The following FRMD6 variants were observed in gnomAD, a reference collection of about 807,000 sequenced individuals.
The protein encoded by FRMD6 is FERM domain containing 6.
Under a neutral mutation model 73.2 loss-of-function variants are expected in FRMD6, and 37 were observed. The ratio of observed to expected loss-of-function variants is 0.51; its 90% CI spans 0.39 to 0.66. FRMD6 has a LOEUF of 0.66. FRMD6 is among the 30% of genes least tolerant of loss of function. The pLI is 0.00. For missense variants in FRMD6, 714 were observed against 780.5 expected (o/e 0.91, Z 1.02); for synonymous variants, 273 against 282.2 (o/e 0.97, Z 0.33).
upstream of FRMD6, among the ~76,000 whole-genome samples, chr14:51,488,532 T>G (rs185936845): frequency 6.6e-6 from 1 of 152,250 alleles, no homozygotes; most frequent in Admixed American, 6.5e-5. Flanking sequence ...ACTGTAGTAC[T>G]ACCACCTTCT....
intron 2 of FRMD6, among the ~76,000 whole-genome samples, chr14:51,636,364 A>G (rs1163909301): frequency 1.3e-5 from 2 of 152,198 alleles, no homozygotes; most frequent in African/African-American, 4.8e-5. Context: ...TTAGCATCCA[A>G]TGGAGTTGCT....
At chr14:51,535,352 A>C (rs949463139) in intron 1 of FRMD6, among the ~76,000 whole-genome samples, 1 of 152,114 alleles carries the variant, frequency 6.6e-6, no homozygotes, top group Admixed American at 6.5e-5. Context: ...ACCAATCATA[A>C]TCCTATTCTC....
intron 1 of FRMD6, among the ~76,000 whole-genome samples, chr14:51,534,930 A>G (rs1885793596): frequency 6.6e-6 from 1 of 152,226 alleles, no homozygotes; most frequent in Admixed American, 6.5e-5. Context: ...GCAGCCGCTC[A>G]ATTAGATGTA....
At chr14:51,694,003 G>A (rs989927135) in intron 2 of FRMD6, among the ~76,000 whole-genome samples, 1 of 152,152 alleles carries the variant, frequency 6.6e-6, no homozygotes, top group Admixed American at 6.5e-5. Context: ...ATTAACTGTA[G>A]CAAAAACGAT....
At chr14:51,474,190 T>C in the FRMD6 span, among the ~76,000 whole-genome samples, 6 of 152,198 alleles carry the variant, frequency 3.9e-5, no homozygotes, top group Non-Finnish European at 7.3e-5. Flanking sequence ...TGTGTACAGA[T>C]TTCAATTTCA....
chr14:51,607,116 A>G (rs1398265642), intron 2 of FRMD6, among the ~76,000 whole-genome samples: 1 of 152,100 alleles, frequency 6.6e-6, no homozygotes, highest in Non-Finnish European at 1.5e-5. Context: ...CTCCTCTGGA[A>G]ACACCCTCAC....
At chr14:51,482,393 G>A in the FRMD6 span, among the ~76,000 whole-genome samples, 17 of 152,318 alleles carry the variant, frequency 1.1e-4, no homozygotes, top group South Asian at 1.7e-3. Flanking sequence ...CAATGAAGAG[G>A]CTTCTCAATC....
chr14:51,670,477 TACTATTA>T (rs1020214502), intron 1 of FRMD6, among the ~76,000 whole-genome samples: 18 of 152,334 alleles, frequency 1.2e-4, no homozygotes, highest in Admixed American at 1.1e-3. Context: ...ATTGGTACAG[TACTATTA>T]ACTAGCCTTG....
chr14:51,612,672 T>A (rs912084259), intron 2 of FRMD6, among the ~76,000 whole-genome samples: 5 of 152,224 alleles, frequency 3.3e-5, no homozygotes, highest in Non-Finnish European at 4.4e-5. Context: ...CATCATGGAA[T>A]AAGAGGGTAG....
At chr14:51,552,493 G>A (rs1000520084) in intron 1 of FRMD6, among the ~76,000 whole-genome samples, 12 of 152,150 alleles carry the variant, frequency 7.9e-5, no homozygotes, top group South Asian at 4.1e-4. Flanking sequence ...GTTAAGTGGC[G>A]CAGATGGGAA....
chr14:51,492,512 T>C (rs1390665005), intron 1 of FRMD6, among the ~76,000 whole-genome samples: 1 of 152,152 alleles, frequency 6.6e-6, no homozygotes, highest in Non-Finnish European at 1.5e-5. Flanking sequence ...CCGAGACCTA[T>C]CCCCTTAAAC....
the FRMD6 span, among the ~76,000 whole-genome samples, chr14:51,440,453 T>C: frequency 1.0e-3 from 154 of 152,354 alleles, no homozygotes; most frequent in Non-Finnish European, 1.8e-3. Flanking sequence ...TGGGTTATGA[T>C]CTTTATTCCA....
chr14:51,599,161 G>A (rs779343375), intron 2 of FRMD6, among the ~76,000 whole-genome samples: 1 of 142,360 alleles, frequency 7.0e-6, no homozygotes, highest in Non-Finnish European at 1.5e-5. Context: ...TTATTATGAT[G>A]TTGAGCATTT....
At chr14:51,608,958 C>A (rs1244908324) in intron 2 of FRMD6, among the ~76,000 whole-genome samples, 4 of 151,740 alleles carry the variant, frequency 2.6e-5, no homozygotes, top group Non-Finnish European at 5.9e-5. Context: ...GGCATGTGCA[C>A]CAGCCTTGGG....
chr14:51,486,027 CTTTTTTTT>C (rs36049787), upstream of FRMD6, among the ~76,000 whole-genome samples: 1 of 138,040 alleles, frequency 7.2e-6, no homozygotes, highest in Non-Finnish European at 1.6e-5. Context: ...ACTTCCTTTT[CTTTTTTTT>C]TTTTTTTTAA....
intron 1 of FRMD6, among the ~76,000 whole-genome samples, chr14:51,509,430 G>T (rs548277248): frequency 2.7e-4 from 41 of 152,144 alleles, no homozygotes; most frequent in Non-Finnish European, 4.6e-4. Context: ...GGGAGGCTGA[G>T]GCAGGAGAAT....
chr14:51,530,652 T>C (rs887010218), intron 1 of FRMD6, among the ~76,000 whole-genome samples: 2 of 151,902 alleles, frequency 1.3e-5, no homozygotes, highest in African/African-American at 4.8e-5. Flanking sequence ...AGCTATTTTT[T>C]TTTTTTTTAA....
the FRMD6 span, among the ~76,000 whole-genome samples, chr14:51,449,560 C>T: frequency 1.4e-4 from 21 of 152,232 alleles, no homozygotes; most frequent in Admixed American, 1.4e-3. Context: ...CCCTGGAGTC[C>T]CTCTTTGGCA....
chr14:51,544,656 G>A (rs371559047), intron 1 of FRMD6, among the ~76,000 whole-genome samples: 4 of 151,512 alleles, frequency 2.6e-5, no homozygotes, highest in Non-Finnish European at 5.9e-5. Flanking sequence ...GTGCAAAGAC[G>A]TCTATTATCT....
Sources: allele counts gnomAD v4.1 joint callset (sites outside exome capture counted in the v4.1 genomes callset), GRCh38; gene constraint gnomAD v4.1.1; transcripts MANE v1.5; gene names NCBI Gene and HGNC (gene_info 2026-07-23, HGNC 2026-07-21).